CLSTN2: variants seen among roughly 807,000 people sequenced by gnomAD.
The protein encoded by CLSTN2 is calsyntenin-2.
In CLSTN2, 48 loss-of-function variants were observed where a neutral mutation model predicts 101.2. That is an observed-to-expected ratio of 0.47 (90% CI 0.38 to 0.60). The LOEUF is 0.60. CLSTN2 is among the 20% of genes least tolerant of loss of function. The pLI, the probability that CLSTN2 is intolerant of heterozygous loss-of-function variation, is 0.00. For synonymous variants in CLSTN2, 481 were observed against 463.6 expected, an observed-to-expected ratio of 1.04 and a Z score of -0.48; for missense variants, 1,160 against 1,238.2, an observed-to-expected ratio of 0.94 and a Z score of 0.95.
At chr3:140,202,639 T>C (rs2010731468) in intron 2 of CLSTN2, among the ~76,000 whole-genome samples, 1 of 152,136 alleles carries the variant, frequency 6.6e-6, no homozygotes, top group Non-Finnish European at 1.5e-5. Context: ...CAGAAATAAA[T>C]TTAGGACAAT....
chr3:140,367,037 G>A (rs1372292118), intron 2 of CLSTN2, among the ~76,000 whole-genome samples: 2 of 152,178 alleles, frequency 1.3e-5, no homozygotes, highest in South Asian at 2.1e-4. Context: ...TAAGCACTTG[G>A]TGCTGGGCCC....
chr3:140,363,146 A>G (rs1054021096), intron 2 of CLSTN2, among the ~76,000 whole-genome samples: 1 of 152,214 alleles, frequency 6.6e-6, no homozygotes, highest in Admixed American at 6.5e-5. Flanking sequence ...ATTCAACAAT[A>G]AAAAGGAATA....
At chr3:140,383,600 A>T (rs2088016304) in intron 2 of CLSTN2, among the ~76,000 whole-genome samples, 1 of 152,192 alleles carries the variant, frequency 6.6e-6, no homozygotes, top group Non-Finnish European at 1.5e-5. Context: ...CTTACTGGGG[A>T]TAGTATAAAC....
chr3:140,052,366 C>A (rs985962230), intron 1 of CLSTN2, among the ~76,000 whole-genome samples: 10 of 152,144 alleles, frequency 6.6e-5, no homozygotes, highest in Non-Finnish European at 1.3e-4. Flanking sequence ...CCGTATTGGC[C>A]AGGCTGGCCT....
Position 139,985,916 on chromosome 3 carries a change from T to C in CLSTN2, c.109+50433T>C, listed in dbSNP as rs1211248483. Among the ~76,000 whole-genome samples, 3 of 152,330 alleles carry C rather than the reference T, an allele frequency of 2.0e-5. No homozygotes were observed. The East Asian group carries it at 5.8e-4, about 29-fold the overall frequency. ...GACTAAGAAACAGAATTTTTAAACT[T>C]CATTTAATTTTGATGAATTTAAATT... On this transcript the variant is annotated intron_variant, in intron 1 of 16. Transcript: ENST00000458420.
intron 2 of CLSTN2, among the ~76,000 whole-genome samples, chr3:140,288,954 C>T (rs930175021): frequency 5.5e-4 from 82 of 149,634 alleles, no homozygotes; most frequent in African/African-American, 1.9e-3. Context: ...CCTGATCCCC[C>T]GTGCCCTTTT....
intron 7 of CLSTN2, among the ~76,000 whole-genome samples, chr3:140,464,023 A>T (rs940446770): frequency 6.6e-6 from 1 of 152,232 alleles, no homozygotes; most frequent in East Asian, 1.9e-4. Flanking sequence ...ATCAATTCCT[A>T]TGTAAAGATT....
At chr3:139,977,715 G>A (rs1935843823) in intron 1 of CLSTN2, among the ~76,000 whole-genome samples, 1 of 151,996 alleles carries the variant, frequency 6.6e-6, no homozygotes, top group Non-Finnish European at 1.5e-5. Context: ...AGGGGGTGGG[G>A]GGCAGTGGGC....
chr3:140,394,989 G>T (rs7617740), intron 2 of CLSTN2, among the ~76,000 whole-genome samples: 4 of 152,024 alleles, frequency 2.6e-5, no homozygotes, highest in Admixed American at 6.5e-5. Context: ...AGCTGAGTCA[G>T]AGGGACCTCT....
At chr3:140,212,675 C>G (rs980005091) in intron 2 of CLSTN2, among the ~76,000 whole-genome samples, 1 of 152,230 alleles carries the variant, frequency 6.6e-6, no homozygotes, top group Non-Finnish European at 1.5e-5. Context: ...TCACCTTTCA[C>G]AGGTCCTCCT....
chr3:139,954,844 C>G (rs1935359727), intron 1 of CLSTN2, among the ~76,000 whole-genome samples: 1 of 151,924 alleles, frequency 6.6e-6, no homozygotes, highest in African/African-American at 2.4e-5. Context: ...AATGAAAAAT[C>G]TGATTGATAC....
intron 2 of CLSTN2, among the ~76,000 whole-genome samples, chr3:140,245,355 G>A (rs916965238): frequency 1.3e-5 from 2 of 152,092 alleles, no homozygotes; most frequent in Admixed American, 1.3e-4. Flanking sequence ...GCTGTGTGCT[G>A]AGCATGGTGA....
chr3:140,407,714 T>A (rs1249058030), intron 4 of CLSTN2, among the ~76,000 whole-genome samples: 1 of 152,244 alleles, frequency 6.6e-6, no homozygotes, highest in Non-Finnish European at 1.5e-5. Context: ...GTTCTGGATC[T>A]ATTTGAGATG....
chr3:140,349,896 C>T (rs1252873579), intron 2 of CLSTN2, among the ~76,000 whole-genome samples: 1 of 152,180 alleles, frequency 6.6e-6, no homozygotes, highest in Non-Finnish European at 1.5e-5. Flanking sequence ...CAGAAGACAA[C>T]ATCTTATATC....
Position 140,442,428 on chromosome 3 carries a change from C to T in CLSTN2, c.788-6091C>T, listed in dbSNP as rs147646279. ...GGAAGCCACAGTAAAGCCTTGTGCC[C>T]ACAGTTTCTTGCCTTCCTTCTGCCT... On this transcript the variant is annotated intron_variant, in intron 5 of 16. Coordinates refer to ENST00000458420, the MANE Select transcript of CLSTN2 (RefSeq NM_022131.3). Among the ~76,000 whole-genome samples the T allele has an allele frequency of 5.0e-4, 76 of 152,286 alleles. 1 individual carries two copies. Among genetic ancestry groups the T allele is most frequent in the African/African-American group, 1.6e-3 (67 of 41,562 alleles).
At chr3:139,945,397 G>A (rs1193926525) in intron 1 of CLSTN2, among the ~76,000 whole-genome samples, 3 of 152,198 alleles carry the variant, frequency 2.0e-5, no homozygotes, top group African/African-American at 4.8e-5. Context: ...AGGATAAAGC[G>A]CTTACAAAAA....
chr3:140,050,689 C>A (rs1340831354), intron 1 of CLSTN2, among the ~76,000 whole-genome samples: 2 of 152,134 alleles, frequency 1.3e-5, no homozygotes, highest in African/African-American at 4.8e-5. Context: ...TTTTGTCAAA[C>A]CCAGCCAGAC....
At chr3:140,403,499 G>A (rs4683494) in intron 2 of CLSTN2, 130 bp from the exon 3 acceptor site, 509,864 of 772,276 alleles carry the variant, frequency 0.66, 171,606 homozygotes, top group South Asian at 0.75. Flanking sequence ...CTGCTGGCTC[G>A]TGGACCACAC....
chr3:140,059,788 T>C (rs1212983674), intron 1 of CLSTN2, among the ~76,000 whole-genome samples: 1 of 152,120 alleles, frequency 6.6e-6, no homozygotes, highest in Non-Finnish European at 1.5e-5. Flanking sequence ...CTTTCCAAAA[T>C]TGCAATGGGA....
Sources: allele counts gnomAD v4.1 joint callset (sites outside exome capture counted in the v4.1 genomes callset), GRCh38; gene constraint gnomAD v4.1.1; transcripts MANE v1.5; gene names NCBI Gene and HGNC (gene_info 2026-07-23, HGNC 2026-07-21).